SDK1: variants seen among roughly 807,000 people sequenced by gnomAD.
SDK1 encodes sidekick cell adhesion molecule 1.
In SDK1, 157 loss-of-function variants were observed where a neutral mutation model predicts 245.5. The observed-to-expected ratio is 0.64, with a 90% confidence interval of 0.56 to 0.73. The LOEUF is 0.73. SDK1 is among the 30% of genes least tolerant of loss of function. The pLI, the probability that SDK1 is intolerant of heterozygous loss-of-function variation, is 0.00. For synonymous variants in SDK1, 1,647 were observed against 1,278.5 expected (o/e 1.29, Z -6.15); for missense variants, 3,583 against 3,002.3 (o/e 1.19, Z -4.52).
rs1189593797 is a variant in SDK1 at position 3,872,580 on chromosome 7, C to T, written c.847+50997C>T. The stretch of plus-strand genomic sequence containing the variant: ...ATGGTCATAGGATTGTTTTTGGTAT[C>T]TTTTTTTTTTTTTTTACATATGTGA... On this transcript the variant is annotated intron_variant, in intron 5 of 44. Transcript: ENST00000404826. 3.2e-3 allele frequency among the ~76,000 whole-genome samples: 453 copies of T among 140,094 alleles called. 5 individuals are homozygous for T. Among genetic ancestry groups the T allele is most frequent in the African/African-American group, 0.011 (424 of 38,524 alleles). 91.9% of individuals were successfully genotyped at this position (140,094 alleles called of 152,430 possible).
chr7:4,024,702 AG>A (rs1787194985), intron 17 of SDK1, among the ~76,000 whole-genome samples: 1 of 152,206 alleles, frequency 6.6e-6, no homozygotes, highest in Non-Finnish European at 1.5e-5. Flanking sequence ...AATCTCAGTG[AG>A]GTAACTCACT....
chr7:3,515,234 C>T (rs1782706790), intron 1 of SDK1, among the ~76,000 whole-genome samples: 1 of 152,090 alleles, frequency 6.6e-6, no homozygotes, highest in Non-Finnish European at 1.5e-5. Flanking sequence ...CATTGTGACC[C>T]TGCTGAGAGA....
chr7:3,577,448 G>A (rs969179599), intron 1 of SDK1, among the ~76,000 whole-genome samples: 1 of 151,916 alleles, frequency 6.6e-6, no homozygotes, highest in African/African-American at 2.4e-5. Context: ...CTTTACTGTT[G>A]CCCCTGGACT....
chr7:3,343,525 A>G (rs976128830), intron 1 of SDK1, among the ~76,000 whole-genome samples: 11 of 152,182 alleles, frequency 7.2e-5, no homozygotes, highest in African/African-American at 2.4e-4. Context: ...GGATGTGGCT[A>G]ATGAAAGAGT....
chr7:3,337,475 C>G (rs1583702348), intron 1 of SDK1, among the ~76,000 whole-genome samples: 1 of 151,230 alleles, frequency 6.6e-6, no homozygotes. Context: ...AAAAAAAAAT[C>G]TGAAGAAATA....
intron 14 of SDK1, among the ~76,000 whole-genome samples, chr7:4,000,846 A>T (rs895191844): frequency 6.6e-6 from 1 of 152,160 alleles, no homozygotes; most frequent in Non-Finnish European, 1.5e-5. Flanking sequence ...TAAGCCTCCC[A>T]TGCATAGCAT....
chr7:3,731,873 C>T (rs575929761), intron 4 of SDK1, among the ~76,000 whole-genome samples: 1 of 152,214 alleles, frequency 6.6e-6, no homozygotes, highest in South Asian at 2.1e-4. Context: ...CTCACTGCAA[C>T]CTCCACTTCC....
intron 1 of SDK1, among the ~76,000 whole-genome samples, chr7:3,591,976 A>G (rs118005900): frequency 6.6e-6 from 1 of 152,350 alleles, no homozygotes; most frequent in East Asian, 1.9e-4. Flanking sequence ...CAGATGACAA[A>G]CAAGGCTACA....
chr7:4,268,953 G>T lies in SDK1; in HGVS notation c.*3569G>T. On this transcript the variant is annotated 3_prime_UTR_variant, in exon 45 of 45. Transcript: ENST00000404826. ...GAAACAACTTGTAGGAAGACAGAGA[G>T]GTGCTATGGGTACAATTTTTAATAA... 6.8e-6 allele frequency: 2 copies of T among 296,022 alleles called. No individual in the cohort carries two copies. The highest frequency in any genetic ancestry group is 1.4e-5 in the Non-Finnish European group (2 of 146,044). 18.3% of individuals were successfully genotyped at this position (296,022 alleles called of 1,614,324 possible).
intron 7 of SDK1, among the ~76,000 whole-genome samples, chr7:3,955,130 C>T (rs781293659): frequency 2.0e-5 from 3 of 152,160 alleles, no homozygotes; most frequent in Non-Finnish European, 4.4e-5. Flanking sequence ...CACGATGGCT[C>T]GGAAACTCGG....
At chr7:3,576,548 A>C (rs1165386683) in intron 1 of SDK1, among the ~76,000 whole-genome samples, 2 of 152,060 alleles carry the variant, frequency 1.3e-5, no homozygotes, top group African/African-American at 4.8e-5. Flanking sequence ...CTATCCAGAA[A>C]ATAATTGGAT....
chr7:3,755,008 T>C (rs1779879472), intron 4 of SDK1, among the ~76,000 whole-genome samples: 1 of 152,196 alleles, frequency 6.6e-6, no homozygotes. Context: ...AAAGTGGGCT[T>C]GCTTCTGTGG....
chr7:3,587,683 A>G (rs1044978830), intron 1 of SDK1, among the ~76,000 whole-genome samples: 11 of 152,192 alleles, frequency 7.2e-5, no homozygotes, highest in African/African-American at 2.7e-4. Context: ...TCTTCTCCGG[A>G]AATACCTTCA....
At chr7:3,955,291 C>G (rs1470918993) in intron 7 of SDK1, among the ~76,000 whole-genome samples, 1 of 152,204 alleles carries the variant, frequency 6.6e-6, no homozygotes, top group East Asian at 1.9e-4. Flanking sequence ...GCATCCCTGG[C>G]TCATCTCCAG....
rs1780471778 is a variant in SDK1 at position 3,345,628 on chromosome 7, A to G, written c.298+43744A>G. On this transcript the variant is annotated intron_variant, in intron 1 of 44. Transcript: ENST00000404826. ...AGTATAGTAACATATCAGGGCTTGT[A>G]ACATGTTTTCAGAAACCCAAATTCC... 2.0e-5 allele frequency among the ~76,000 whole-genome samples: 3 copies of G among 152,202 alleles called. No homozygotes were observed. In the South Asian group the frequency reaches 6.2e-4, roughly 32 times the overall value.
At chr7:3,693,568 A>G (rs915133885) in intron 4 of SDK1, among the ~76,000 whole-genome samples, 1 of 151,964 alleles carries the variant, frequency 6.6e-6, no homozygotes, top group Non-Finnish European at 1.5e-5. Flanking sequence ...TGTTTTTTTC[A>G]TAGATGCCAT....
At chr7:3,856,792 G>A (rs761823353) in intron 5 of SDK1, among the ~76,000 whole-genome samples, 11 of 152,040 alleles carry the variant, frequency 7.2e-5, no homozygotes, top group Non-Finnish European at 1.3e-4. Flanking sequence ...ACTCCACCTC[G>A]AAAAACAGCT....
intron 22 of SDK1, among the ~76,000 whole-genome samples, chr7:4,103,019 G>C (rs1040649347): frequency 3.3e-5 from 4 of 121,796 alleles, no homozygotes; most frequent in Non-Finnish European, 6.8e-5. Context: ...TTTTTTTTTG[G>C]AGACAGAGTC....
Position 4,175,716 on chromosome 7 carries a change from A to T in SDK1, c.4937-59A>T, listed in dbSNP as rs2128218117. ...GTCTCCCTTGTTCCTGCCGCACATC[A>T]CCTGCGATGGCCGTGTCCCTGCGTG... is the stretch of plus-strand genomic sequence containing the variant. On this transcript the variant is annotated intron_variant, in intron 33 of 44. Transcript: ENST00000404826. The T allele has an allele frequency of 3.6e-6, 5 of 1,392,046 alleles. No homozygotes were observed. In the South Asian group the frequency reaches 4.6e-5, roughly 13 times the overall value. The allele number at this position is 1,392,046 out of a possible 1,614,324, so 86.2% of individuals were successfully genotyped here.
Sources: gnomAD v4.1 joint callset for allele counts (sites outside exome capture counted in the v4.1 genomes callset) on GRCh38, gnomAD v4.1.1 for gene constraint, MANE v1.5 for transcripts, NCBI Gene and HGNC (gene_info 2026-07-23, HGNC 2026-07-21) for gene names.